The following GALNT13 variants were observed in gnomAD, a reference collection of about 807,000 sequenced individuals.
The protein encoded by GALNT13 is polypeptide N-acetylgalactosaminyltransferase 13.
In GALNT13, 28 loss-of-function variants were observed where a neutral mutation model predicts 64.2. The ratio of observed to expected loss-of-function variants is 0.44; its 90% CI spans 0.32 to 0.60. The LOEUF is 0.60. Ranked by LOEUF, GALNT13 falls within the 20% of genes least tolerant of loss-of-function variation. The pLI, the probability that GALNT13 is intolerant of heterozygous loss-of-function variation, is 0.05. For missense variants in GALNT13, 577 were observed against 669.8 expected (o/e 0.86, Z 1.53); for synonymous variants, 214 against 224.6 (o/e 0.95, Z 0.42).
chr2:154,044,233 T>C (rs1699167397), intron 3 of GALNT13, among the ~76,000 whole-genome samples: 1 of 152,078 alleles, frequency 6.6e-6, no homozygotes, highest in African/African-American at 2.4e-5. Context: ...ATCAAAGGCA[T>C]GAAGCCCAAG....
intron 3 of GALNT13, among the ~76,000 whole-genome samples, chr2:154,136,776 A>C (rs568851028): frequency 2.6e-4 from 39 of 152,276 alleles, no homozygotes; most frequent in African/African-American, 9.1e-4. Flanking sequence ...AATTAGGAAG[A>C]AAATAGCTCA....
chr2:153,932,617 TC>T, intron 2 of GALNT13, among the ~76,000 whole-genome samples: 1 of 142,172 alleles, frequency 7.0e-6, no homozygotes, highest in African/African-American at 2.6e-5. Flanking sequence ...TTTCTTTTTT[TC>T]TGTCTTTCTT....
intron 3 of GALNT13, among the ~76,000 whole-genome samples, chr2:154,133,319 T>G (rs1682732114): frequency 6.6e-6 from 1 of 151,894 alleles, no homozygotes; most frequent in Non-Finnish European, 1.5e-5. Flanking sequence ...CTTTTTAAAT[T>G]TAAATGGTGA....
At chr2:154,270,639 A>G (rs1273606590) in intron 8 of GALNT13, among the ~76,000 whole-genome samples, 8 of 151,954 alleles carry the variant, frequency 5.3e-5, no homozygotes, top group Admixed American at 5.3e-4. Flanking sequence ...TGAATAATCA[A>G]TAACTTTATT....
At chr2:154,352,587 A>G (rs1255276370) in intron 9 of GALNT13, among the ~76,000 whole-genome samples, 3 of 152,208 alleles carry the variant, frequency 2.0e-5, no homozygotes, top group Non-Finnish European at 2.9e-5. Flanking sequence ...AGTCACCCAC[A>G]GAAGAAGCAG....
chr2:153,326,042 T>G, the GALNT13 span, among the ~76,000 whole-genome samples: 6 of 152,198 alleles, frequency 3.9e-5, no homozygotes, highest in Non-Finnish European at 7.3e-5. Flanking sequence ...GTTCAAGTCC[T>G]GAATATCCTT....
the GALNT13 span, among the ~76,000 whole-genome samples, chr2:153,098,004 T>G: frequency 2.6e-5 from 4 of 152,286 alleles, no homozygotes; most frequent in South Asian, 2.1e-4. Context: ...AAGCGGAGAT[T>G]GCAGTGAGCC....
the GALNT13 span, among the ~76,000 whole-genome samples, chr2:153,171,002 A>G: frequency 2.0e-5 from 3 of 152,228 alleles, no homozygotes; most frequent in Admixed American, 6.5e-5. Flanking sequence ...ATTTTAGTGT[A>G]CACTTTTGTT....
At chr2:153,917,699 A>T (rs896236627) in intron 2 of GALNT13, among the ~76,000 whole-genome samples, 1 of 152,190 alleles carries the variant, frequency 6.6e-6, no homozygotes, top group African/African-American at 2.4e-5. Context: ...AAGCCAAAAA[A>T]TAGAGCTACC....
chr2:153,963,077 C>T (rs1344418125), intron 3 of GALNT13, among the ~76,000 whole-genome samples: 1 of 152,076 alleles, frequency 6.6e-6, no homozygotes, highest in East Asian at 1.9e-4. Flanking sequence ...AAGCCAAGAC[C>T]AAGGTGCAAG....
chr2:154,154,905 A>G (rs1684309046), intron 4 of GALNT13, among the ~76,000 whole-genome samples: 4 of 150,504 alleles, frequency 2.7e-5, no homozygotes, highest in Admixed American at 6.7e-5. Context: ...GGTGACTAGG[A>G]GATTTGTGGT....
intron 3 of GALNT13, among the ~76,000 whole-genome samples, chr2:154,088,592 C>A (rs1701648674): frequency 6.6e-6 from 1 of 152,168 alleles, no homozygotes; most frequent in Non-Finnish European, 1.5e-5. Flanking sequence ...GTTGGGATTA[C>A]AGGTGCCTGC....
At chr2:154,316,868 C>A (rs534029204) in intron 9 of GALNT13, among the ~76,000 whole-genome samples, 111 of 152,266 alleles carry the variant, frequency 7.3e-4, no homozygotes, top group African/African-American at 2.6e-3. Flanking sequence ...ACACATTCAG[C>A]CTTTGCCTAT....
chr2:154,172,224 ATTTAATACATTCATAAAAT>A (rs1685394393), intron 4 of GALNT13, among the ~76,000 whole-genome samples: 1 of 149,192 alleles, frequency 6.7e-6, no homozygotes, highest in East Asian at 1.9e-4. Flanking sequence ...ACATGTGATA[ATTTAATACATTCATAAAAT>A]TTGTAAAGAT....
chr2:153,546,814 G>T, the GALNT13 span, among the ~76,000 whole-genome samples: 231 of 152,300 alleles, frequency 1.5e-3, 3 homozygotes, highest in East Asian at 0.027. Flanking sequence ...AAGGTCTTCT[G>T]TGTTTTCCTA....
At chr2:154,351,416 G>A (rs1214720689) in intron 9 of GALNT13, among the ~76,000 whole-genome samples, 3 of 151,968 alleles carry the variant, frequency 2.0e-5, no homozygotes, top group Admixed American at 6.6e-5. Flanking sequence ...GGGCAAGGTG[G>A]CTCACGCCTG....
the GALNT13 span, among the ~76,000 whole-genome samples, chr2:153,160,921 T>C: frequency 6.6e-6 from 1 of 152,166 alleles, no homozygotes; most frequent in Non-Finnish European, 1.5e-5. Flanking sequence ...AAATGGAAAA[T>C]GAGAGATTAC....
At chr2:153,547,960 AG>A in the GALNT13 span, among the ~76,000 whole-genome samples, 1 of 152,222 alleles carries the variant, frequency 6.6e-6, no homozygotes, top group Non-Finnish European at 1.5e-5. Flanking sequence ...ATGCTTGGAA[AG>A]CACTTGGCAT....
chr2:154,241,824 A>T (rs900682217), intron 4 of GALNT13, among the ~76,000 whole-genome samples: 4 of 152,230 alleles, frequency 2.6e-5, no homozygotes, highest in Non-Finnish European at 4.4e-5. Flanking sequence ...AAATAAAAAT[A>T]TTAGTAATTA....
Sources: allele counts gnomAD v4.1 joint callset (sites outside exome capture counted in the v4.1 genomes callset), GRCh38; gene constraint gnomAD v4.1.1; transcripts MANE v1.5; gene names NCBI Gene and HGNC (gene_info 2026-07-23, HGNC 2026-07-21).